LTBP4: variants seen among roughly 807,000 people sequenced by gnomAD.
LTBP4 encodes latent transforming growth factor beta binding protein 4, also known as latent-transforming growth factor beta-binding protein 4.
In LTBP4, 93 loss-of-function variants were observed where a neutral mutation model predicts 180.2. The ratio of observed to expected loss-of-function variants is 0.52; its 90% CI spans 0.44 to 0.61. LTBP4 has a LOEUF of 0.61. Among genes scored for constraint, LTBP4 ranks in the 20% least tolerant of loss-of-function variants. The pLI is 0.00. For missense variants in LTBP4, 2,116 were observed against 2,256.5 expected, an observed-to-expected ratio of 0.94 and a Z score of 1.26; for synonymous variants, 947 against 934.5, an observed-to-expected ratio of 1.01 and a Z score of -0.24.
In LTBP4 at chr19:40,611,292, C is replaced by A; in HGVS notation, c.1951C>A (p.Pro651Thr). The change falls in exon 13 of 30, where the codon CCG becomes ACG. Residue 651 changes from proline (P) to threonine (T), a missense_variant. Coordinates refer to ENST00000396819, the MANE Select transcript of LTBP4 (RefSeq NM_001042545.2). The surrounding 1 kb of genome is among the most constrained non-coding windows in gnomAD (Gnocchi z 4.4). Reference protein sequence around the residue: ...EEDVDECAQEPPPCGPGRCDN... With the variant: ...EEDVDECAQETPPCGPGRCDN... Reference sequence around the variant, plus strand: ...GGATGTGGATGAGTGTGCCCAGGAGCCGCCGCCCTGTGGGCCCGGCCGCTG... The same window carrying A: ...GGATGTGGATGAGTGTGCCCAGGAGACGCCGCCCTGTGGGCCCGGCCGCTG... 1 of 1,611,764 alleles carries A rather than the reference C, an allele frequency of 6.2e-7. No individual in the cohort carries two copies.
Position 40,611,078 on chromosome 19 carries a change from G to C in LTBP4, c.1811-74G>C. On this transcript the variant is annotated intron_variant, in intron 12 of 29. Coordinates refer to ENST00000396819, the MANE Select transcript of LTBP4 (RefSeq NM_001042545.2). The surrounding 1 kb of genome is among the most constrained non-coding windows in gnomAD (Gnocchi z 4.4). ...GGGTCACGGGGACAGAATGTTGGAG[G>C]GTGGAAAGCCAAAGTGACAGAGGTC... is the stretch of plus-strand genomic sequence containing the variant. 1.3e-6 allele frequency: 2 copies of C among 1,589,078 alleles called. No homozygotes were observed. The highest frequency in any genetic ancestry group is 1.7e-6 in the Non-Finnish European group (2 of 1,161,378).
rs1282372273 is a variant in LTBP4, at chr19:40,608,169, G to A, written c.1157-51G>A. 43 of 1,608,286 alleles carry A rather than the reference G, an allele frequency of 2.7e-5. No individual in the cohort carries two copies. The South Asian group carries it at 3.8e-4, about 14-fold the overall frequency. ...AAGGCCAGAGTCTGGGCTGGCCATC[G>A]TTTTCTTCCCGCTCTCTTGTCCTCT... is the stretch of plus-strand genomic sequence containing the variant. On this transcript the variant is annotated intron_variant, in intron 7 of 29. Transcript: ENST00000396819.
At position 40,607,858 on chromosome 19, in the gene LTBP4, A is replaced by G. The variant is rs552150738; in HGVS notation, c.1156+329A>G. ...GCTTCTGAGACACTGCCTTCAGCTT[A>G]GCCCCACCCCAGGCATGCCCCTCCC... On this transcript the variant is annotated intron_variant, in intron 7 of 29. Coordinates refer to ENST00000396819, the MANE Select transcript of LTBP4 (RefSeq NM_001042545.2). Among the ~76,000 whole-genome samples the G allele has an allele frequency of 3.9e-5, 6 of 152,282 alleles. No homozygotes were observed. In the South Asian group the frequency reaches 1.2e-3, roughly 32 times the overall value.
chr19:40,599,973 C>A, upstream of LTBP4: 1 of 577,682 alleles, frequency 1.7e-6, no homozygotes, highest in Non-Finnish European at 2.7e-6. Context: ...TTGGGCAGAG[C>A]CGCTACTGAA....
chr19:40,624,676 G>A (rs761249488), intron 26 of LTBP4, among the ~76,000 whole-genome samples: 1 of 152,112 alleles, frequency 6.6e-6, no homozygotes, highest in Admixed American at 6.5e-5. Flanking sequence ...TAGGATTACA[G>A]GTGTGAGCCA....
In LTBP4 at chr19:40,607,336, C is replaced by T. The variant is rs1375743674; in HGVS notation, c.992-29C>T. On this transcript the variant is annotated intron_variant, in intron 6 of 29. Coordinates refer to ENST00000396819, the MANE Select transcript of LTBP4 (RefSeq NM_001042545.2). ...GTGCTACAGCATTCCCAGCCCCGCC[C>T]TGAAGGATTTCCTCCCTGCTCCTCG... 1.9e-6 allele frequency: 3 copies of T among 1,601,746 alleles called. No homozygotes were observed. In the East Asian group the frequency reaches 6.8e-5, roughly 36 times the overall value.
chr19:40,597,135 G>C (rs1164640429), upstream of LTBP4: 15 of 1,115,082 alleles, frequency 1.3e-5, no homozygotes, highest in Middle Eastern at 9.9e-4. Context: ...AAGTGAGTCG[G>C]CCTCGGGCGG....
intron 7 of LTBP4, 139 bp downstream of exon 7, chr19:40,607,668 C>T (rs1283464340): frequency 1.1e-6 from 1 of 929,900 alleles, no homozygotes; most frequent in African/African-American, 1.7e-5. Flanking sequence ...CCTCTGAGAC[C>T]CGCAGGCCTC....
rs1568414448 is a variant in LTBP4, at chr19:40,625,287, TATATATATATATATATATATA to T, written c.3833-569_3833-549del. 4.1e-4 allele frequency among the ~76,000 whole-genome samples: 4 copies of T among 9,710 alleles called. 1 individual carries two copies. In the African/African-American group the frequency reaches 4.1e-3, roughly 10 times the overall value. 6.4% of individuals were successfully genotyped at this position (9,710 alleles called of 152,430 possible). A position where few individuals can be genotyped will look rare whatever the true frequency, so the allele number is the denominator to read the frequency against. On this transcript the variant is annotated intron_variant, in intron 26 of 29. Transcript: ENST00000396819. ...ATATATATATATATATATATATATA[TATATATATATATATATATATA>T]TATATATATTTTTTTTTTTAAAGAT... is the stretch of plus-strand genomic sequence containing the variant.
intron 1 of LTBP4, 80 bp from the exon 2 acceptor site, chr19:40,604,955 T>C: frequency 7.6e-7 from 1 of 1,310,322 alleles, no homozygotes; most frequent in Middle Eastern, 1.9e-4. Flanking sequence ...TAGAAATGAA[T>C]GATACCTTGA....
At chr19:40,626,489 AAC>A (rs2081634791) in intron 27 of LTBP4, among the ~76,000 whole-genome samples, 1 of 151,940 alleles carries the variant, frequency 6.6e-6, no homozygotes, top group Admixed American at 6.6e-5. Flanking sequence ...CTAAGACCCC[AAC>A]ACACAGCCCC....
chr19:40,627,776 C>T lies in LTBP4; in HGVS notation c.4438C>T (p.Arg1480Cys), dbSNP rs1050384441. The part of the protein sequence containing the change: ...CGILDGCTNG[R>C]CVRVPEGFTC... ...GATCCTGGACGGCTGCACCAACGGC[C>T]GCTGCGTGCGCGTCCCCGAAGGCTT... is the stretch of plus-strand genomic sequence containing the variant. The change falls in exon 29 of 30, where the codon CGC becomes TGC. Residue 1480 changes from arginine to cysteine, a missense_variant. Around this residue, in one of 5 missense-constraint regions of LTBP4, gnomAD observed 488 missense variants for 458.8 expected, o/e 1.06. Transcript: ENST00000396819. 2.5e-6 allele frequency: 4 copies of T among 1,575,868 alleles called. No homozygotes were observed. Among genetic ancestry groups the T allele is most frequent in the Admixed American group, 3.6e-5 (2 of 54,842 alleles).
intron 14 of LTBP4, 21 bp downstream of exon 14, chr19:40,612,005 A>G (rs1271792375): frequency 6.2e-7 from 1 of 1,612,376 alleles, no homozygotes. Context: ...GGAGGGAGGG[A>G]GGAGTGTGGA....
chr19:40,601,522 C>G lies in LTBP4; in HGVS notation c.135C>G (p.Cys45Trp). ...CCCCGGTCGTGTGCGGCCTGCGCTG[C>G]GTCCATGGGCCGACCGGCTCCCGCT... The part of the protein sequence containing the change: ...RFTPVVCGLR[C>W]VHGPTGSRCT... Residue 45 changes from cysteine to tryptophan, a missense_variant, in exon 1 of 30, where the codon TGC becomes TGG. Physicochemically the swap from Cys to Trp is radical, Grantham distance 215. Transcript: ENST00000396819. The G allele has an allele frequency of 6.7e-7, 1 of 1,493,692 alleles. No homozygotes were observed. The highest frequency in any genetic ancestry group is 8.9e-7 in the Non-Finnish European group (1 of 1,128,602). 92.5% of individuals were successfully genotyped at this position (1,493,692 alleles called of 1,614,324 possible). A position where few individuals can be genotyped will look rare whatever the true frequency, so the allele number is the denominator to read the frequency against.
chr19:40,597,300 A>T, upstream of LTBP4: 1 of 1,524,962 alleles, frequency 6.6e-7, no homozygotes, highest in Non-Finnish European at 8.8e-7. Flanking sequence ...CGCTCTTCGC[A>T]GCCGCCACCT....
In LTBP4 at chr19:40,612,179, TG is replaced by T; in HGVS notation, c.2288del (p.Gly763AlafsTer50). 1.2e-6 allele frequency: 2 copies of T among 1,606,096 alleles called. No homozygotes were observed. Among genetic ancestry groups the T allele is most frequent in the Non-Finnish European group, 1.7e-6 (2 of 1,176,772 alleles). On this transcript the variant is annotated frameshift_variant, in exon 15 of 30. Coordinates refer to ENST00000396819, the MANE Select transcript of LTBP4 (RefSeq NM_001042545.2). LOFTEE classifies it high-confidence loss of function. ...TCPSGHHLHR[G>X]RCTDVDECSS... ...GTCCTTCTGGCCACCACCTGCACCG[TG>T]GCAGATGCACTGGTGAGACCAGGCC...
Position 40,608,358 on chromosome 19 carries a change from G to A in LTBP4, c.1295G>A (p.Arg432Gln), listed in dbSNP as rs528386162. 1.4e-5 allele frequency: 23 copies of A among 1,612,586 alleles called. No individual in the cohort carries two copies. The highest frequency in any genetic ancestry group is 1.3e-4 in the South Asian group (12 of 90,850). ...SQPRTLPATS[R>Q]PSAGFLPTHR... ...CCTCGTACCCTGCCAGCCACCTCTC[G>A]GCCATCTGCAGGTGAGCTGGCTCTG... The change falls in exon 8 of 30, where the codon CGG becomes CAG. Residue 432 changes from arginine to glutamine, a missense_variant. Around this residue, in one of 5 missense-constraint regions of LTBP4, gnomAD observed 877 missense variants for 873.6 expected, o/e 1.00. Transcript: ENST00000396819.
At chr19:40,599,241 G>A, upstream of LTBP4, 2 of 1,613,500 alleles carry the variant, frequency 1.2e-6, no homozygotes, top group Non-Finnish European at 1.7e-6. Context: ...TCTAGGAGGA[G>A]CCGCTGCATC....
intron 22 of LTBP4, among the ~76,000 whole-genome samples, chr19:40,620,536 G>A (rs1256690242): frequency 6.6e-6 from 1 of 151,730 alleles, no homozygotes; most frequent in Admixed American, 6.6e-5. Context: ...AGCTCTCTGG[G>A]AGGCCAAGGC....
Sources: allele counts gnomAD v4.1 joint callset (sites outside exome capture counted in the v4.1 genomes callset), GRCh38; gene constraint gnomAD v4.1.1; regional missense constraint gnomAD v4.1.1; non-coding constraint Gnocchi (gnomAD v3.1); transcripts MANE v1.5; gene names NCBI Gene and HGNC (gene_info 2026-07-23, HGNC 2026-07-21).